Variants in DOCK1 observed in about 807,000 individuals in gnomAD.
The protein encoded by DOCK1 is dedicator of cytokinesis protein 1.
A neutral mutation model predicts 262.7 loss-of-function variants in DOCK1; 138 were observed. The ratio of observed to expected loss-of-function variants is 0.53; its 90% CI spans 0.46 to 0.61. The LOEUF is 0.61. Among genes scored for constraint, DOCK1 ranks in the 20% least tolerant of loss-of-function variants. DOCK1 has a pLI of 0.00. For missense variants in DOCK1, 1,908 were observed against 2,370.7 expected (o/e 0.80, Z 4.05); for synonymous variants, 866 against 867.4 (o/e 1.00, Z 0.03).
chr10:127,363,019 A>ACGTACACATGCACATCCC (rs2064668620), intron 33 of DOCK1, among the ~76,000 whole-genome samples: 44 of 133,094 alleles, frequency 3.3e-4, no homozygotes, highest in Middle Eastern at 4.2e-3. Flanking sequence ...ATCCCCACAC[A>ACGTACACATGCACATCCC]CACACACACA....
chr10:127,292,619 C>T (rs2061383245), intron 29 of DOCK1, among the ~76,000 whole-genome samples: 1 of 152,186 alleles, frequency 6.6e-6, no homozygotes, highest in Non-Finnish European at 1.5e-5. Context: ...TCATTACTCT[C>T]TGTGACTCCC....
chr10:127,220,483 GTCTA>G (rs2058386141), intron 27 of DOCK1, among the ~76,000 whole-genome samples: 1 of 151,924 alleles, frequency 6.6e-6, no homozygotes, highest in African/African-American at 2.4e-5. Context: ...AAAAACTTAA[GTCTA>G]TCCATGCAAT....
intron 27 of DOCK1, among the ~76,000 whole-genome samples, chr10:127,188,039 T>C (rs1036315477): frequency 1.3e-5 from 2 of 152,200 alleles, no homozygotes; most frequent in East Asian, 1.9e-4. Context: ...AAATATTGAC[T>C]GAACGAAGGG....
At chr10:126,957,625 G>A (rs2036857235) in intron 1 of DOCK1, among the ~76,000 whole-genome samples, 2 of 152,044 alleles carry the variant, frequency 1.3e-5, no homozygotes, top group Non-Finnish European at 2.9e-5. Context: ...TGGGACTGCA[G>A]GTGCCCACCA....
intron 25 of DOCK1, among the ~76,000 whole-genome samples, chr10:127,120,885 C>G: frequency 6.6e-6 from 1 of 152,110 alleles, no homozygotes; most frequent in Non-Finnish European, 1.5e-5. Context: ...TAATACTATA[C>G]CTTCTGTTAA....
intron 27 of DOCK1, among the ~76,000 whole-genome samples, chr10:127,226,396 C>T (rs762965768): frequency 1.4e-4 from 21 of 152,192 alleles, no homozygotes; most frequent in Middle Eastern, 3.4e-3. Context: ...GCGCTCATGG[C>T]GTCCTGTCTC....
At chr10:127,271,113 A>G (rs368168024) in intron 29 of DOCK1, among the ~76,000 whole-genome samples, 2 of 151,540 alleles carry the variant, frequency 1.3e-5, no homozygotes, top group East Asian at 3.9e-4. Context: ...TTCTCCACTC[A>G]GTGACTGCAG....
chr10:127,324,038 C>T (rs1437225900), intron 29 of DOCK1, among the ~76,000 whole-genome samples: 1 of 152,192 alleles, frequency 6.6e-6, no homozygotes, highest in Non-Finnish European at 1.5e-5. Flanking sequence ...AGCGGTGGCT[C>T]TGCCAGCTCA....
intron 29 of DOCK1, among the ~76,000 whole-genome samples, chr10:127,301,483 T>A (rs2061676948): frequency 6.6e-6 from 1 of 152,246 alleles, no homozygotes; most frequent in Admixed American, 6.5e-5. Flanking sequence ...GAAGGGTGTT[T>A]ACAAAACGGC....
chr10:126,966,286 T>C (rs2037672517), intron 1 of DOCK1, among the ~76,000 whole-genome samples: 1 of 152,216 alleles, frequency 6.6e-6, no homozygotes, highest in Non-Finnish European at 1.5e-5. Flanking sequence ...CTATGTTGAT[T>C]TTCTTTATTC....
At chr10:127,313,600 G>C (rs2062147639) in intron 29 of DOCK1, among the ~76,000 whole-genome samples, 1 of 152,166 alleles carries the variant, frequency 6.6e-6, no homozygotes, top group Non-Finnish European at 1.5e-5. Context: ...GCTTACTGCA[G>C]GTGCACATTT....
chr10:127,176,314 T>C lies in DOCK1; in HGVS notation c.2847+48550T>C. On this transcript the variant is annotated intron_variant, in intron 27 of 51. Transcript: ENST00000623213. This position sits in a 1 kb window ranked among gnomAD's most constrained non-coding sequence, Gnocchi z 4.4. The stretch of plus-strand genomic sequence containing the variant: ...CGGTTGGGGTCCAGGGCGTATTTCA[T>C]CTCCAGGGCCAGGCAGGCGGCGGGT... 1 of 1,614,076 alleles carries C rather than the reference T, an allele frequency of 6.2e-7. No homozygotes were observed. Among genetic ancestry groups the C allele is most frequent in the Non-Finnish European group, 8.5e-7 (1 of 1,180,022 alleles).
At chr10:127,393,489 G>A (rs990733197) in intron 38 of DOCK1, among the ~76,000 whole-genome samples, 8 of 152,212 alleles carry the variant, frequency 5.3e-5, no homozygotes, top group Non-Finnish European at 1.0e-4. Context: ...GGACAAGCTT[G>A]CCTCTGGACA....
chr10:127,118,031 T>C (rs940202139), intron 25 of DOCK1, among the ~76,000 whole-genome samples: 3 of 152,190 alleles, frequency 2.0e-5, no homozygotes, highest in Non-Finnish European at 4.4e-5. Flanking sequence ...ATGTATTTTA[T>C]TGTCAGAGCA....
Position 127,026,278 on chromosome 10 carries a change from G to C in DOCK1, c.1552-74G>C, listed in dbSNP as rs1037433984. 278 of 1,328,014 alleles carry C rather than the reference G, an allele frequency of 2.1e-4. 5 individuals carry two copies. The Admixed American group carries it at 5.4e-3, about 26-fold the overall frequency. The allele number at this position is 1,328,014 out of a possible 1,614,324, so 82.3% of individuals were successfully genotyped here. ...GAAATGTTTACAGTTGTACCTGATAGCTCCAGTTGAATAAAGCTGTTACGC... is the reference window on the plus strand; with the variant it reads ...GAAATGTTTACAGTTGTACCTGATACCTCCAGTTGAATAAAGCTGTTACGC... On this transcript the variant is annotated intron_variant, in intron 15 of 51. Coordinates refer to ENST00000623213, the MANE Select transcript of DOCK1 (RefSeq NM_001290223.2).
intron 22 of DOCK1, among the ~76,000 whole-genome samples, chr10:127,056,569 TTCTCTCCTCGCTTCGTTCTTTCC>T (rs1206055009): frequency 2.0e-5 from 3 of 152,170 alleles, no homozygotes; most frequent in Non-Finnish European, 2.9e-5. Context: ...AGCTTCTTCC[TTCTCTCCTCGCTTCGTTCTTTCC>T]TCTCTCCTTC....
At chr10:127,401,227 G>GA (rs1287802190) in intron 38 of DOCK1, among the ~76,000 whole-genome samples, 1 of 152,164 alleles carries the variant, frequency 6.6e-6, no homozygotes, top group African/African-American at 2.4e-5. Context: ...TGGGGAGATT[G>GA]ATTTGAGTAA....
At chr10:126,949,730 G>A (rs1031334659) in intron 1 of DOCK1, among the ~76,000 whole-genome samples, 1 of 152,146 alleles carries the variant, frequency 6.6e-6, no homozygotes, top group Non-Finnish European at 1.5e-5. Context: ...ACCTAAAAAG[G>A]ACTTTGTGAC....
chr10:127,196,552 C>T (rs1182213050), intron 27 of DOCK1, among the ~76,000 whole-genome samples: 5 of 146,978 alleles, frequency 3.4e-5, no homozygotes, highest in African/African-American at 1.2e-4. Context: ...GCGCGCCTGC[C>T]GCCTGTGCGC....
Sources: gnomAD v4.1 joint callset for allele counts (sites outside exome capture counted in the v4.1 genomes callset) on GRCh38, gnomAD v4.1.1 for gene constraint, Gnocchi (gnomAD v3.1) non-coding constraint, MANE v1.5 for transcripts, NCBI Gene and HGNC (gene_info 2026-07-23, HGNC 2026-07-21) for gene names.